Variants in AKIP1 observed in about 807,000 individuals in gnomAD.
AKIP1 encodes the protein A-kinase interacting protein 1, also known as A-kinase-interacting protein 1.
Under a neutral mutation model 22.3 loss-of-function variants are expected in AKIP1, and 18 were observed. The ratio of observed to expected loss-of-function variants is 0.81; its 90% CI spans 0.56 to 1.19. The LOEUF (loss-of-function observed/expected upper bound fraction) is 1.19. Ranked by LOEUF, AKIP1 falls within the 50% of genes most tolerant of loss-of-function variation. The pLI is 0.00. For missense variants in AKIP1, 287 were observed against 264.6 expected, an observed-to-expected ratio of 1.08 and a Z score of -0.59; for synonymous variants, 120 against 102.7, an observed-to-expected ratio of 1.17 and a Z score of -1.02.
rs545970574 is a variant in AKIP1, at chr11:8,911,354, G to T, written c.-6-90G>T. 1.1e-5 allele frequency: 13 copies of T among 1,182,438 alleles called. No homozygotes were observed. In the East Asian group the frequency reaches 3.3e-4, roughly 30 times the overall value. The allele number at this position is 1,182,438 out of a possible 1,614,324, so 73.2% of individuals were successfully genotyped here. On this transcript the variant is annotated intron_variant, in intron 1 of 5. Coordinates refer to ENST00000309377, the MANE Select transcript of AKIP1 (RefSeq NM_020642.4). ...GACCAGGAGCGGTGGTCTCCAGGGA[G>T]GTCGAGGCTGGGGCTCCCACCCGGA... is the stretch of plus-strand genomic sequence containing the variant.
Position 8,911,202 on chromosome 11 carries a change from T to C in AKIP1, c.-28T>C, listed in dbSNP as rs2064328755. 1.9e-6 allele frequency: 1 copy of C among 514,668 alleles called. No homozygotes were observed. Among genetic ancestry groups the C allele is most frequent in the Non-Finnish European group, 3.4e-6 (1 of 290,434 alleles). The allele number at this position is 514,668 out of a possible 1,614,324, so 31.9% of individuals were successfully genotyped here. ...TCTTCCTAGAATAGCGTTGCGCGCATGCGCCTTGACGAGTGAGCCGGGTGA... is the reference window on the plus strand; with the variant it reads ...TCTTCCTAGAATAGCGTTGCGCGCACGCGCCTTGACGAGTGAGCCGGGTGA... On this transcript the variant is annotated 5_prime_UTR_variant, in exon 1 of 6. It removes an upstream start codon present in the reference 5' UTR. Coordinates refer to ENST00000309377, the MANE Select transcript of AKIP1 (RefSeq NM_020642.4).
At chr11:8,911,281 C>G (rs1440631896) in intron 1 of AKIP1, 58 bp downstream of exon 1, 5 of 624,306 alleles carry the variant, frequency 8.0e-6, no homozygotes, top group East Asian at 2.8e-5. Flanking sequence ...GGCGGGCGCG[C>G]TAGGCCTAGT....
At chr11:8,918,602 G>A (rs2056903) in intron 5 of AKIP1, among the ~76,000 whole-genome samples, 42,906 of 152,002 alleles carry the variant, frequency 0.28, 6,960 homozygotes, top group South Asian at 0.44. Context: ...CTCTCTTCTG[G>A]TTTGTGACTT....
chr11:8,917,363 A>C lies in AKIP1; in HGVS notation c.485A>C (p.Gln162Pro). The change falls in exon 5 of 6, where the codon CAG (glutamine) becomes CCG (proline). Residue 162 changes from glutamine (Q) to proline (P), a missense_variant. Transcript: ENST00000309377. Reference sequence around the variant, plus strand: ...TCAGAGCATGCTCCAGAGGCATCCCAGCCTGTGAGTACGGAACTGCTTACG... The same window carrying C: ...TCAGAGCATGCTCCAGAGGCATCCCCGCCTGTGAGTACGGAACTGCTTACG... ...QISEHAPEAS[Q>P]PAENISKDLY... 6.2e-7 allele frequency: 1 copy of C among 1,613,348 alleles called. No individual in the cohort carries two copies. The highest frequency in any genetic ancestry group is 8.5e-7 in the Non-Finnish European group (1 of 1,179,572).
Position 8,911,516 on chromosome 11 carries a change from A to T in AKIP1, c.67A>T (p.Arg23Trp), listed in dbSNP as rs1401441802. 3 of 1,609,744 alleles carry T rather than the reference A, an allele frequency of 1.9e-6. No individual in the cohort carries two copies. Among genetic ancestry groups the T allele is most frequent in the Admixed American group, 3.4e-5 (2 of 59,332 alleles). The part of the protein sequence containing the change: ...VDRRSLQRSA[R>W]LALEVLERAK... ...CCGACGTTCCCTGCAGCGTTCAGCA[A>T]GGCTGGCTCTAGAAGTGCTGGAGAG... The change falls in exon 2 of 6, where the codon AGG becomes TGG. Residue 23 changes from arginine (R) to tryptophan (W), a missense_variant. Physicochemically the swap from Arg to Trp is moderately radical, Grantham distance 101. Transcript: ENST00000309377.
chr11:8,912,357 C>T (rs964087472), intron 2 of AKIP1, 96 bp from the exon 3 acceptor site: 1 of 961,020 alleles, frequency 1.0e-6, no homozygotes, highest in Non-Finnish European at 1.7e-6. Context: ...CTTGCAGAGC[C>T]TTTCCAAAAG....
rs2064328808 is a variant in AKIP1 at position 8,911,204 on chromosome 11, C to A, written c.-26C>A. 7.7e-6 allele frequency: 4 copies of A among 522,064 alleles called. No individual in the cohort carries two copies. The South Asian group carries it at 1.1e-4, about 14-fold the overall frequency. 32.3% of individuals were successfully genotyped at this position (522,064 alleles called of 1,614,324 possible). A position where few individuals can be genotyped will look rare whatever the true frequency, so the allele number is the denominator to read the frequency against. On this transcript the variant is annotated 5_prime_UTR_variant, in exon 1 of 6. Transcript: ENST00000309377. The stretch of plus-strand genomic sequence containing the variant: ...TTCCTAGAATAGCGTTGCGCGCATG[C>A]GCCTTGACGAGTGAGCCGGGTGAGG...
At chr11:8,911,402 C>A in intron 1 of AKIP1, 42 bp from the exon 2 acceptor site, 1 of 1,512,172 alleles carries the variant, frequency 6.6e-7, no homozygotes, top group Non-Finnish European at 8.9e-7. Context: ...TCGCCGCGGC[C>A]CAGCTGACCC....
At chr11:8,917,254 G>A (rs1399780913) in intron 4 of AKIP1, 33 bp from the exon 5 acceptor site, 2 of 1,453,884 alleles carry the variant, frequency 1.4e-6, no homozygotes, top group Non-Finnish European at 1.9e-6. Context: ...GTGAAAGCTT[G>A]GGCACAAATC....
chr11:8,917,348 C>T lies in AKIP1; in HGVS notation c.470C>T (p.Ala157Val). Residue 157 changes from alanine to valine, a missense_variant, in exon 5 of 6, where the codon GCT becomes GTT. Coordinates refer to ENST00000309377, the MANE Select transcript of AKIP1 (RefSeq NM_020642.4). ...GGCAGCTATCAAATATCAGAGCATGCTCCAGAGGCATCCCAGCCTGTGAGT... is the reference window on the plus strand; with the variant it reads ...GGCAGCTATCAAATATCAGAGCATGTTCCAGAGGCATCCCAGCCTGTGAGT... Reference protein sequence around the residue: ...PGGSYQISEHAPEASQPAENI... With the variant: ...PGGSYQISEHVPEASQPAENI... The T allele has an allele frequency of 6.2e-7, 1 of 1,613,690 alleles. No homozygotes were observed. The highest frequency in any genetic ancestry group is 8.5e-7 in the Non-Finnish European group (1 of 1,179,876).
intron 3 of AKIP1, among the ~76,000 whole-genome samples, chr11:8,913,115 G>A (rs1263461697): frequency 1.1e-4 from 16 of 148,458 alleles, no homozygotes; most frequent in South Asian, 2.1e-4. Context: ...TCCTGACCTC[G>A]TGATCCGCCC....
intron 1 of AKIP1, 64 bp from the exon 2 acceptor site, chr11:8,911,380 T>G: frequency 1.1e-5 from 15 of 1,415,668 alleles, no homozygotes; most frequent in Non-Finnish European, 1.4e-5. Context: ...CCCACCCGGA[T>G]TTGGAGCAGG....
chr11:8,915,190 G>C (rs572095481), intron 4 of AKIP1, among the ~76,000 whole-genome samples: 1 of 152,060 alleles, frequency 6.6e-6, no homozygotes, highest in African/African-American at 2.4e-5. Context: ...GGATTCTCCA[G>C]CAGGTTTAAA....
chr11:8,911,503 G>GC lies in AKIP1; in HGVS notation c.55dup (p.Gln19ProfsTer65). ...TGAATGGGGTGGACCGACGTTCCCT[G>GC]CAGCGTTCAGCAAGGCTGGCTCTAG... On this transcript the variant is annotated frameshift_variant, in exon 2 of 6. Transcript: ENST00000309377. LOFTEE classifies it high-confidence loss of function. The GC allele has an allele frequency of 1.9e-6, 3 of 1,608,750 alleles. No individual in the cohort carries two copies. In the South Asian group the frequency reaches 3.3e-5, roughly 18 times the overall value.
In AKIP1 at chr11:8,911,232, GC is replaced by G; in HGVS notation, c.-7+10del. ...CTTGACGAGTGAGCCGGGTGAGGGG[GC>G]TCCCTAAGTAGCGGAAGGGGTAGAT... On this transcript the variant is annotated intron_variant, in intron 1 of 5. Coordinates refer to ENST00000309377, the MANE Select transcript of AKIP1 (RefSeq NM_020642.4). 1 of 563,376 alleles carries G rather than the reference GC, an allele frequency of 1.8e-6. No individual in the cohort carries two copies. Among genetic ancestry groups the G allele is most frequent in the South Asian group, 2.3e-5 (1 of 43,958 alleles). 34.9% of individuals were successfully genotyped at this position (563,376 alleles called of 1,614,324 possible).
intron 4 of AKIP1, among the ~76,000 whole-genome samples, chr11:8,915,554 G>C (rs1306657115): frequency 6.7e-6 from 1 of 148,946 alleles, no homozygotes; most frequent in Admixed American, 6.7e-5. Flanking sequence ...ATAGAGATGG[G>C]GTTTTGCTAT....
intron 3 of AKIP1, among the ~76,000 whole-genome samples, 196 bp from the exon 4 acceptor site, chr11:8,914,630 A>C (rs1323359555): frequency 6.6e-6 from 1 of 152,140 alleles, no homozygotes; most frequent in Non-Finnish European, 1.5e-5. Context: ...GGGATGCCAA[A>C]TGCATTTCTT....
In AKIP1 at chr11:8,919,346, A is replaced by G. The variant is rs943905037; in HGVS notation, c.499A>G (p.Ile167Val). The G allele has an allele frequency of 1.9e-6, 3 of 1,612,214 alleles. No homozygotes were observed. In the African/African-American group the frequency reaches 4.0e-5, roughly 22 times the overall value. ...APEASQPAENISKDLYIEVYP... is the reference protein window; with the variant it reads ...APEASQPAENVSKDLYIEVYP... ...CCTCTTTTCCTTCTAGGCTGAGAAC[A>G]TCTCTAAGGACCTCTACATAGAAGT... Residue 167 changes from isoleucine to valine, a missense_variant, in exon 6 of 6, where the codon ATC becomes GTC. By Grantham distance (29) the Ile-to-Val change is conservative (BLOSUM62 3). Transcript: ENST00000309377.
At chr11:8,911,811 A>C (rs1298135626) in intron 2 of AKIP1, 140 bp downstream of exon 2, 10 of 843,350 alleles carry the variant, frequency 1.2e-5, no homozygotes, top group African/African-American at 1.7e-5. Flanking sequence ...ATGAATGGAA[A>C]AGTCCTTTCA....
Sources: gnomAD v4.1 joint callset for allele counts (sites outside exome capture counted in the v4.1 genomes callset) on GRCh38, gnomAD v4.1.1 for gene constraint, MANE v1.5 for transcripts, NCBI Gene and HGNC (gene_info 2026-07-23, HGNC 2026-07-21) for gene names.